SOHLH1: variants seen among roughly 807,000 people sequenced by gnomAD.
SOHLH1 encodes the protein spermatogenesis and oogenesis specific basic helix-loop-helix 1, also known as spermatogenesis- and oogenesis-specific basic helix-loop-helix-containing protein 1.
Under a neutral mutation model 36.2 loss-of-function variants are expected in SOHLH1, and 23 were observed. That is an observed-to-expected ratio of 0.64 (90% CI 0.46 to 0.90). The LOEUF is 0.90. SOHLH1 is among the 40% of genes least tolerant of loss of function. The pLI is 0.00. For missense variants in SOHLH1, 608 were observed against 517.0 expected (o/e 1.18, Z -1.71); for synonymous variants, 289 against 228.3 (o/e 1.27, Z -2.40).
At chr9:135,698,808 G>A (rs557840758) in intron 2 of SOHLH1, among the ~76,000 whole-genome samples, 187 bp downstream of exon 2, 24 of 152,352 alleles carry the variant, frequency 1.6e-4, no homozygotes, top group Non-Finnish European at 2.6e-4. Flanking sequence ...TCAGGATAAA[G>A]AGGGGCTGCA....
At position 135,697,506 on chromosome 9, in the gene SOHLH1, C is replaced by A. The variant is rs1201816798; in HGVS notation, c.467G>T (p.Arg156Leu). ...DPGTGASSGT[R>L]TPDVKAFLES... The stretch of plus-strand genomic sequence containing the variant: ...AGAGCGGGCCCCAGGAGACACTAAC[C>A]GAGTCCCGCTGGACGCTCCCGTCCC... Residue 156 changes from arginine to leucine, a missense_variant and splice_region_variant, in exon 4 of 8, where the codon CGA (arginine) becomes CTA (leucine). Coordinates refer to ENST00000425225, the MANE Select transcript of SOHLH1 (RefSeq NM_001101677.2). 6 of 1,609,878 alleles carry A rather than the reference C, an allele frequency of 3.7e-6. No individual in the cohort carries two copies. The highest frequency in any genetic ancestry group is 5.1e-6 in the Non-Finnish European group (6 of 1,179,136).
Position 135,696,649 on chromosome 9 carries a change from C to T in SOHLH1, c.624G>A (p.Gly208=), listed in dbSNP as rs1834812059. ...GCAGCCCACCCCGCACCTGGCACAG[C>T]CCCAACAGTGCCTCACACTTGTCCG... The part of the protein sequence containing the change: ...LGTDKCEALL[G]LCQVRGGLPP... Residue 208 remains glycine (G), a synonymous_variant, in exon 5 of 8, where the codon GGG becomes GGA. Transcript: ENST00000425225. 1 of 1,612,702 alleles carries T rather than the reference C, an allele frequency of 6.2e-7. No individual in the cohort carries two copies. The highest frequency in any genetic ancestry group is 1.3e-5 in the African/African-American group (1 of 74,934).
Position 135,694,150 on chromosome 9 carries a change from G to C in SOHLH1, c.946+237C>G, listed in dbSNP as rs1400117030. ...CAAGGGGAAGAATACAGGGCTCCAA[G>C]CACCGCCAGCTCTCATGCAGGCTCG... is the stretch of plus-strand genomic sequence containing the variant. On this transcript the variant is annotated intron_variant, in intron 7 of 7. Coordinates refer to ENST00000425225, the MANE Select transcript of SOHLH1 (RefSeq NM_001101677.2). The C allele has an allele frequency of 2.1e-6, 3 of 1,434,808 alleles. No homozygotes were observed. The South Asian group carries it at 4.5e-5, about 22-fold the overall frequency. 88.9% of individuals were successfully genotyped at this position (1,434,808 alleles called of 1,614,324 possible).
chr9:135,699,730 G>T (rs1402067428), upstream of SOHLH1, among the ~76,000 whole-genome samples: 1 of 152,098 alleles, frequency 6.6e-6, no homozygotes, highest in Non-Finnish European at 1.5e-5. Flanking sequence ...GACGCCAGGG[G>T]AAGGGGCCCC....
chr9:135,698,993 ACC>A lies in SOHLH1; in HGVS notation c.197_197+1del, dbSNP rs749946510. On this transcript the variant is annotated splice_donor_variant and coding_sequence_variant, in exon 2 of 8. Transcript: ENST00000425225. LOFTEE classifies it high-confidence loss of function. ...TCACCCCTGGGAGGCACCACCACTC[ACC>A]TGCGCTCCCTCTCGCTGATCACGTT... is the stretch of plus-strand genomic sequence containing the variant. 1 of 1,611,024 alleles carries A rather than the reference ACC, an allele frequency of 6.2e-7. No individual in the cohort carries two copies. The highest frequency in any genetic ancestry group is 2.2e-5 in the East Asian group (1 of 44,830).
chr9:135,698,654 G>A (rs974335154), intron 2 of SOHLH1, among the ~76,000 whole-genome samples, 178 bp from the exon 3 acceptor site: 1 of 152,172 alleles, frequency 6.6e-6, no homozygotes, highest in African/African-American at 2.4e-5. Context: ...AGCACAGCCT[G>A]GGCCTGACCC....
At chr9:135,694,060 G>A in intron 7 of SOHLH1, 2 of 1,426,476 alleles carry the variant, frequency 1.4e-6, no homozygotes, top group Non-Finnish European at 1.8e-6. Flanking sequence ...CACACGCCAT[G>A]TCACAGGGCC....
upstream of SOHLH1, among the ~76,000 whole-genome samples, chr9:135,700,912 A>T (rs73667687): frequency 6.6e-6 from 1 of 152,174 alleles, no homozygotes; most frequent in Non-Finnish European, 1.5e-5. Context: ...TTGTTTCCCT[A>T]AAGCCCTCGG....
At position 135,695,209 on chromosome 9, in the gene SOHLH1, C is replaced by G. The variant is rs750962597; in HGVS notation, c.716G>C (p.Arg239Thr). 1.2e-6 allele frequency: 2 copies of G among 1,605,620 alleles called. No homozygotes were observed. Among genetic ancestry groups the G allele is most frequent in the African/African-American group, 2.7e-5 (2 of 75,020 alleles). Residue 239 changes from arginine to threonine, a missense_variant, in exon 6 of 8, where the codon AGG (arginine) becomes ACG (threonine). Physicochemically the swap from Arg to Thr is moderately conservative, Grantham distance 71. Coordinates refer to ENST00000425225, the MANE Select transcript of SOHLH1 (RefSeq NM_001101677.2). ...PPGRSLPKAV[R>T]PPLSWPPFSQ... ...GAACGGAGGCCAGGACAGGGGTGGC[C>G]TCACAGCCTTAGGAAGACTCCGGCC...
At chr9:135,699,287 G>C (rs1834941334) in intron 1 of SOHLH1, 116 bp downstream of exon 1, 6 of 1,493,250 alleles carry the variant, frequency 4.0e-6, no homozygotes, top group Non-Finnish European at 4.6e-6. Flanking sequence ...CCTCTCCCAG[G>C]GTCCAGGGCT....
At chr9:135,698,845 G>A in intron 2 of SOHLH1, 150 bp downstream of exon 2, 1 of 1,168,864 alleles carries the variant, frequency 8.6e-7, no homozygotes, top group Non-Finnish European at 1.3e-6. Flanking sequence ...GGCTTTTCTG[G>A]TTTACTTGGA....
intron 2 of SOHLH1, 108 bp from the exon 3 acceptor site, chr9:135,698,584 G>A (rs2131296717): frequency 6.7e-7 from 1 of 1,500,692 alleles, no homozygotes; most frequent in African/African-American, 1.4e-5. Flanking sequence ...GTCAGGCAGA[G>A]GGGGCTACAA....
chr9:135,694,234 G>A (rs1834700841), intron 7 of SOHLH1, 153 bp downstream of exon 7: 2 of 1,486,612 alleles, frequency 1.3e-6, no homozygotes, highest in African/African-American at 1.4e-5. Context: ...TACCAGACAC[G>A]GCCCAACAGC....
At chr9:135,696,102 A>G (rs1174268208) in intron 5 of SOHLH1, among the ~76,000 whole-genome samples, 1 of 17,414 alleles carries the variant, frequency 5.7e-5, no homozygotes, top group African/African-American at 1.5e-4. Context: ...GACCCAGGAC[A>G]GAACCAAGTC....
At chr9:135,696,272 G>A (rs1435892710) in intron 5 of SOHLH1, among the ~76,000 whole-genome samples, 1 of 150,938 alleles carries the variant, frequency 6.6e-6, no homozygotes, top group Non-Finnish European at 1.5e-5. Flanking sequence ...ACCCAGGGAG[G>A]AGAAGATCAG....
At position 135,698,978 on chromosome 9, in the gene SOHLH1, G is replaced by A. The variant is rs773346362; in HGVS notation, c.197+17C>T. On this transcript the variant is annotated intron_variant, in intron 2 of 7. Transcript: ENST00000425225. ...CCCTTTACAGCGCCCTCACCCCTGGGAGGCACCACCACTCACCTGCGCTCC... is the reference window on the plus strand; with the variant it reads ...CCCTTTACAGCGCCCTCACCCCTGGAAGGCACCACCACTCACCTGCGCTCC... The A allele has an allele frequency of 9.3e-6, 15 of 1,611,170 alleles. No homozygotes were observed. The South Asian group carries it at 1.3e-4, about 14-fold the overall frequency.
At chr9:135,701,995 T>C (rs946953356), upstream of SOHLH1, among the ~76,000 whole-genome samples, 1 of 151,902 alleles carries the variant, frequency 6.6e-6, no homozygotes, top group African/African-American at 2.4e-5. Context: ...TTTCGGAGTT[T>C]TGAGGGCTCA....
upstream of SOHLH1, among the ~76,000 whole-genome samples, chr9:135,701,300 A>G (rs1835026999): frequency 6.6e-6 from 1 of 151,940 alleles, no homozygotes; most frequent in African/African-American, 2.4e-5. Context: ...CTGGAGAGAC[A>G]CTGGGGAGGC....
chr9:135,694,922 G>A (rs907425921), intron 6 of SOHLH1, 128 bp downstream of exon 6: 9 of 1,092,386 alleles, frequency 8.2e-6, no homozygotes, highest in Middle Eastern at 2.9e-4. Context: ...CACGGGCACA[G>A]AAGCAGAGAC....
Sources: gnomAD v4.1 joint callset for allele counts (sites outside exome capture counted in the v4.1 genomes callset) on GRCh38, gnomAD v4.1.1 for gene constraint, MANE v1.5 for transcripts, NCBI Gene and HGNC (gene_info 2026-07-23, HGNC 2026-07-21) for gene names.